SNRPN: variants seen among roughly 807,000 people sequenced by gnomAD.
The protein encoded by SNRPN is small nuclear ribonucleoprotein-associated protein N.
In SNRPN, 7 loss-of-function variants were observed where a neutral mutation model predicts 25.2. The observed-to-expected ratio is 0.28, with a 90% confidence interval of 0.16 to 0.52. SNRPN has a LOEUF of 0.52. Ranked by LOEUF, SNRPN falls within the 20% of genes least tolerant of loss-of-function variation. The pLI is 0.96. For synonymous variants in SNRPN, 124 were observed against 110.6 expected (o/e 1.12, Z -0.76); for missense variants, 196 against 322.5 (o/e 0.61, Z 3.00).
intron 3 of SNRPN, among the ~76,000 whole-genome samples, chr15:24,949,787 T>TCCATTGTA (rs2062125017): frequency 6.6e-6 from 1 of 152,204 alleles, no homozygotes. Context: ...AGAATGATAT[T>TCCATTGTA]CCATTGTACC....
chr15:24,913,931 T>C (rs1325548309), intron 2 of SNRPN, among the ~76,000 whole-genome samples: 2 of 152,164 alleles, frequency 1.3e-5, no homozygotes, highest in African/African-American at 4.8e-5. Flanking sequence ...GGAGATTGTG[T>C]CCGTAGGGGT....
At chr15:24,893,332 T>C (rs946398096) in intron 2 of SNRPN, among the ~76,000 whole-genome samples, 2 of 150,798 alleles carry the variant, frequency 1.3e-5, no homozygotes, top group African/African-American at 4.9e-5. Context: ...AAAAATCCTT[T>C]CAGGCTGGGT....
chr15:24,943,045 G>C (rs539655330), intron 3 of SNRPN, among the ~76,000 whole-genome samples: 1 of 150,062 alleles, frequency 6.7e-6, no homozygotes, highest in African/African-American at 2.4e-5. Context: ...TTTTTTTGGG[G>C]CTGATTTAGA....
rs936264226 is a variant in SNRPN at position 24,929,176 on chromosome 15, T to G, written c.-391+9052T>G. ...GTGTATATATGTATGTAGCTATATG[T>G]GTGTATGTGTATATATATCTTCATG... On this transcript the variant is annotated intron_variant, in intron 3 of 11. Transcript: ENST00000400097. The surrounding 1 kb of genome is among the most constrained non-coding windows in gnomAD (Gnocchi z 5.3). 6.6e-6 allele frequency among the ~76,000 whole-genome samples: 1 copy of G among 152,166 alleles called. No homozygotes were observed. Among genetic ancestry groups the G allele is most frequent in the Non-Finnish European group, 1.5e-5 (1 of 68,040 alleles).
At chr15:24,976,102 C>T (rs979884869) in intron 5 of SNRPN, among the ~76,000 whole-genome samples, 3 of 152,100 alleles carry the variant, frequency 2.0e-5, no homozygotes, top group Non-Finnish European at 2.9e-5. Context: ...CTGTAAAAGA[C>T]TAAAGTTAGA....
At chr15:24,910,969 C>T in intron 2 of SNRPN, 1 of 1,007,034 alleles carries the variant, frequency 9.9e-7, no homozygotes, top group African/African-American at 1.6e-5. Context: ...CCCAAAACCA[C>T]TGTTGGCACA....
chr15:24,908,453 T>C (rs1321604938), intron 2 of SNRPN, among the ~76,000 whole-genome samples: 8 of 152,266 alleles, frequency 5.3e-5, no homozygotes, highest in South Asian at 2.1e-4. Flanking sequence ...TGAGATTATC[T>C]AGGTGGTTGT....
rs1555401901 is a variant in SNRPN at position 24,945,343 on chromosome 15, T to TTA, written c.-390-16771_-390-16770insTA. On this transcript the variant is annotated intron_variant, in intron 3 of 11. Coordinates refer to the SNRPN transcript ENST00000400097. ...CTCCCCCTTTCCCCCACCCACCATG[T>TTA]AAAAAAAAAAAAAAAAAAAAAAAGT... is the stretch of plus-strand genomic sequence containing the variant. Among the ~76,000 whole-genome samples, 5 of 83,734 alleles carry TTA rather than the reference T, an allele frequency of 6.0e-5. No homozygotes were observed. In the South Asian group the frequency reaches 1.5e-3, roughly 25 times the overall value. 54.9% of individuals were successfully genotyped at this position (83,734 alleles called of 152,430 possible).
intron 3 of SNRPN, among the ~76,000 whole-genome samples, chr15:24,949,010 CTTTTTTTTTTTTTT>C (rs869100437): frequency 4.3e-5 from 2 of 46,410 alleles, no homozygotes; most frequent in African/African-American, 9.0e-5. Context: ...TTTGCCTATT[CTTTTTTTTTTTTTT>C]TTTTTTTTTT....
rs536186362 is a variant in SNRPN at position 24,943,040 on chromosome 15, T to G, written c.-390-19074T>G. On this transcript the variant is annotated intron_variant, in intron 3 of 11. Transcript: ENST00000400097. ...CAAATGTCTTTACCTTTTTTTTTTT[T>G]TGGGGCTGATTTAGAGGGGTCTATC... Among the ~76,000 whole-genome samples the G allele has an allele frequency of 4.6e-3, 702 of 151,902 alleles. 8 individuals carry two copies. The highest frequency in any genetic ancestry group is 0.016 in the African/African-American group (670 of 41,432).
intron 3 of SNRPN, among the ~76,000 whole-genome samples, chr15:24,925,794 T>C (rs2060340135): frequency 6.6e-6 from 1 of 151,238 alleles, no homozygotes; most frequent in Admixed American, 6.6e-5. Context: ...CAGGCTGGAG[T>C]GCAGTGGCGC....
chr15:24,872,909 T>C (rs2055345379), intron 1 of SNRPN, among the ~76,000 whole-genome samples: 1 of 119,106 alleles, frequency 8.4e-6, no homozygotes, highest in Non-Finnish European at 1.8e-5. Context: ...GTTTTCCTCA[T>C]TGAATTGCCT....
At chr15:24,892,632 G>A (rs1277762609) in intron 2 of SNRPN, among the ~76,000 whole-genome samples, 1 of 116,218 alleles carries the variant, frequency 8.6e-6, no homozygotes, top group Non-Finnish European at 1.8e-5. Context: ...AGCTACTCGG[G>A]AGGCTGAGGC....
At chr15:24,977,459 TG>T in intron 7 of SNRPN, among the ~76,000 whole-genome samples, 1 of 152,028 alleles carries the variant, frequency 6.6e-6, no homozygotes, top group South Asian at 2.1e-4. Context: ...GCCCACGTGG[TG>T]AAAACCCTAT....
intron 2 of SNRPN, among the ~76,000 whole-genome samples, chr15:24,840,923 C>A (rs893013601): frequency 1.3e-5 from 2 of 152,130 alleles, no homozygotes; most frequent in Non-Finnish European, 2.9e-5. Context: ...CTCTCTCTAA[C>A]CTCCGCCTCC....
intron 2 of SNRPN, among the ~76,000 whole-genome samples, chr15:24,892,604 G>GATCACTTGATGTCAGGAGTTTGAGAC (rs369310490): frequency 6.1e-4 from 92 of 151,382 alleles, no homozygotes; most frequent in African/African-American, 1.1e-3. Context: ...GGGTGTGGTG[G>GATCACTTGATGTCAGGAGTTTGAGAC]CACATGCCTG....
upstream of SNRPN, among the ~76,000 whole-genome samples, chr15:24,853,492 C>T (rs2053077114): frequency 6.6e-6 from 1 of 151,798 alleles, no homozygotes; most frequent in African/African-American, 2.4e-5. Flanking sequence ...CTCCCAGGTT[C>T]ACGCCATTCT....
chr15:24,853,967 A>T (rs755009394), upstream of SNRPN, among the ~76,000 whole-genome samples: 1 of 152,220 alleles, frequency 6.6e-6, no homozygotes, highest in Non-Finnish European at 1.5e-5. Context: ...GAATCCTTCA[A>T]CATGTGAAAT....
At chr15:24,939,372 C>A (rs1320638683) in intron 3 of SNRPN, among the ~76,000 whole-genome samples, 1 of 152,056 alleles carries the variant, frequency 6.6e-6, no homozygotes, top group Non-Finnish European at 1.5e-5. Context: ...GCTTCTTGGC[C>A]ATTTGTATGT....
Sources: allele counts gnomAD v4.1 joint callset (sites outside exome capture counted in the v4.1 genomes callset), GRCh38; gene constraint gnomAD v4.1.1; non-coding constraint Gnocchi (gnomAD v3.1); transcripts MANE v1.5; gene names NCBI Gene and HGNC (gene_info 2026-07-23, HGNC 2026-07-21).